Variants in KANSL1 observed in about 807,000 individuals in gnomAD.
The protein encoded by KANSL1 is MLL1/MLL complex subunit KANSL1.
Under a neutral mutation model 103.6 loss-of-function variants are expected in KANSL1, and 22 were observed. That is an observed-to-expected ratio of 0.21 (90% CI 0.15 to 0.30). The LOEUF (loss-of-function observed/expected upper bound fraction) is 0.30, where lower values mean the gene tolerates loss of function less well. Among genes scored for constraint, KANSL1 ranks in the 10% least tolerant of loss-of-function variants. The pLI, the probability that KANSL1 is intolerant of heterozygous loss-of-function variation, is 1.00. For missense variants in KANSL1, 1,337 were observed against 1,399.8 expected (o/e 0.96, Z 0.72); for synonymous variants, 600 against 527.6 (o/e 1.14, Z -1.88).
intron 1 of KANSL1, among the ~76,000 whole-genome samples, chr17:46,178,522 A>C (rs1027106460): frequency 1.3e-5 from 2 of 152,264 alleles, no homozygotes; most frequent in African/African-American, 2.4e-5. Flanking sequence ...TGGAGCTGCT[A>C]CACCTGCTGT....
intron 2 of KANSL1, among the ~76,000 whole-genome samples, chr17:46,116,070 A>G (rs2043032348): frequency 6.6e-6 from 1 of 152,254 alleles, no homozygotes; most frequent in Non-Finnish European, 1.5e-5. Context: ...CAAGCCTCTT[A>G]TAAATAAGTC....
intron 2 of KANSL1, among the ~76,000 whole-genome samples, chr17:46,160,714 G>A (rs147492415): frequency 1.2e-4 from 18 of 152,220 alleles, no homozygotes; most frequent in African/African-American, 3.6e-4. Flanking sequence ...CAAAAAATAC[G>A]TATTACCAAA....
intron 2 of KANSL1, among the ~76,000 whole-genome samples, chr17:46,117,178 A>G (rs1448486197): frequency 6.6e-6 from 1 of 152,224 alleles, no homozygotes; most frequent in Non-Finnish European, 1.5e-5. Flanking sequence ...GACAGGTTAT[A>G]AATGGGTATG....
At chr17:46,218,782 CA>C (rs34293999) in intron 1 of KANSL1, among the ~76,000 whole-genome samples, 19,313 of 135,340 alleles carry the variant, frequency 0.14, 59 homozygotes, top group Middle Eastern at 0.21. Flanking sequence ...GACTCCATCT[CA>C]AAAAAAAAAA....
chr17:46,167,719 T>C (rs1030643254), intron 2 of KANSL1, among the ~76,000 whole-genome samples: 2 of 152,260 alleles, frequency 1.3e-5, no homozygotes, highest in African/African-American at 2.4e-5. Flanking sequence ...TTTAGCAATA[T>C]AGTTTACTGT....
chr17:46,077,523 T>C (rs915415811), intron 4 of KANSL1, among the ~76,000 whole-genome samples: 1 of 152,154 alleles, frequency 6.6e-6, no homozygotes, highest in African/African-American at 2.4e-5. Context: ...TACAATGTTG[T>C]GATTCTCATG....
intron 7 of KANSL1, among the ~76,000 whole-genome samples, chr17:46,047,818 A>C (rs201025116): frequency 4.2e-4 from 53 of 126,514 alleles, no homozygotes; most frequent in African/African-American, 1.1e-3. Flanking sequence ...AAAAAAAAAA[A>C]CAAAAAAAAA....
At chr17:46,112,304 G>A (rs1312392291) in intron 2 of KANSL1, among the ~76,000 whole-genome samples, 1 of 144,658 alleles carries the variant, frequency 6.9e-6, no homozygotes, top group East Asian at 2.2e-4. Flanking sequence ...GGAGGTGAAG[G>A]TTGCAGTGAG....
chr17:46,149,635 C>T (rs1218667284), intron 2 of KANSL1, among the ~76,000 whole-genome samples: 1 of 152,276 alleles, frequency 6.6e-6, no homozygotes, highest in Non-Finnish European at 1.5e-5. Flanking sequence ...AGGGCATAGT[C>T]TGTTGATTGT....
intron 4 of KANSL1, among the ~76,000 whole-genome samples, chr17:46,076,642 A>C (rs1428834492): frequency 7.5e-6 from 1 of 133,860 alleles, no homozygotes; most frequent in African/African-American, 2.5e-5. Context: ...GTTTGCATTG[A>C]ATCATTGTGT....
upstream of KANSL1, chr17:46,193,664 C>A: frequency 3.2e-6 from 1 of 309,194 alleles, no homozygotes; most frequent in Non-Finnish European, 6.7e-6. Context: ...CGGCGCCCGG[C>A]CCCAGCTGCC....
intron 1 of KANSL1, among the ~76,000 whole-genome samples, chr17:46,202,066 T>C (rs181980010): frequency 8.5e-5 from 13 of 152,176 alleles, no homozygotes; most frequent in Non-Finnish European, 1.8e-4. Flanking sequence ...TAGTACCAGC[T>C]ACCTGGGAGG....
chr17:46,118,326 C>G (rs2147164702), intron 2 of KANSL1, among the ~76,000 whole-genome samples: 1 of 152,344 alleles, frequency 6.6e-6, no homozygotes, highest in Non-Finnish European at 1.5e-5. Context: ...GTCTGCAAGC[C>G]TCTTAATGAC....
chr17:46,131,531 T>C (rs1410238797), intron 2 of KANSL1, among the ~76,000 whole-genome samples: 1 of 152,222 alleles, frequency 6.6e-6, no homozygotes, highest in Non-Finnish European at 1.5e-5. Context: ...CCTGAGTGCC[T>C]ACTGTGAACC....
At chr17:46,059,404 A>T (rs1440698881) in intron 6 of KANSL1, among the ~76,000 whole-genome samples, 1 of 151,958 alleles carries the variant, frequency 6.6e-6, no homozygotes, top group East Asian at 1.9e-4. Context: ...AGACCACCTA[A>T]GGTCAGGAGT....
intron 3 of KANSL1, among the ~76,000 whole-genome samples, chr17:46,092,549 C>G (rs879593425): frequency 6.6e-6 from 1 of 152,048 alleles, no homozygotes; most frequent in African/African-American, 2.4e-5. Context: ...ACAAAGAAAG[C>G]CAATAGCATG....
intron 6 of KANSL1, among the ~76,000 whole-genome samples, chr17:46,052,169 G>C (rs1296595706): frequency 6.6e-6 from 1 of 152,104 alleles, no homozygotes; most frequent in East Asian, 1.9e-4. Flanking sequence ...AGGAAAATTG[G>C]TTAGGATCCA....
At chr17:46,080,311 TTAAA>T (rs1391242046) in intron 4 of KANSL1, among the ~76,000 whole-genome samples, 3 of 38,908 alleles carry the variant, frequency 7.7e-5, no homozygotes, top group Non-Finnish European at 1.6e-4. Context: ...AGAGCCTGTC[TTAAA>T]AAAAAAAAAA....
chr17:46,082,940 C>G (rs548750897), intron 3 of KANSL1, among the ~76,000 whole-genome samples: 1 of 152,274 alleles, frequency 6.6e-6, no homozygotes, highest in East Asian at 1.9e-4. Flanking sequence ...TGCTACTATT[C>G]TTAATCATGT....
Sources: gnomAD v4.1 joint callset for allele counts (sites outside exome capture counted in the v4.1 genomes callset) on GRCh38, gnomAD v4.1.1 for gene constraint, MANE v1.5 for transcripts, NCBI Gene and HGNC (gene_info 2026-07-23, HGNC 2026-07-21) for gene names.